PRKCQ: variants seen among roughly 807,000 people sequenced by gnomAD.
The protein encoded by PRKCQ is protein kinase C theta.
In PRKCQ, 41 loss-of-function variants were observed where a neutral mutation model predicts 91.2. The observed-to-expected ratio is 0.45, with a 90% CI of 0.35 to 0.58. The LOEUF (loss-of-function observed/expected upper bound fraction) is 0.58, where lower values mean the gene tolerates loss of function less well. Among genes scored for constraint, PRKCQ ranks in the 20% least tolerant of loss-of-function variants. The pLI is 0.00. For synonymous variants in PRKCQ, 307 were observed against 316.9 expected (o/e 0.97, Z 0.33); for missense variants, 673 against 896.5 (o/e 0.75, Z 3.18).
Position 6,576,641 on chromosome 10 carries a change from C to T in PRKCQ, c.-10+3570G>A, listed in dbSNP as rs749993982. Among the ~76,000 whole-genome samples, 7 of 152,194 alleles carry T rather than the reference C, an allele frequency of 4.6e-5. No homozygotes were observed. Among genetic ancestry groups the T allele is most frequent in the Non-Finnish European group, 1.0e-4 (7 of 68,030 alleles). On this transcript the variant is annotated intron_variant, in intron 1 of 17. Coordinates refer to ENST00000263125, the MANE Select transcript of PRKCQ (RefSeq NM_006257.5). The surrounding 1 kb of genome is among the most constrained non-coding windows in gnomAD (Gnocchi z 4.2). ...ATGGATGATGGCAATGGTTGCAAAA[C>T]AATGTGAATATACTTAATGTCACTG...
chr10:6,555,094 A>T (rs939208808), intron 1 of PRKCQ, among the ~76,000 whole-genome samples: 1 of 152,030 alleles, frequency 6.6e-6, no homozygotes, highest in East Asian at 1.9e-4. Context: ...TCATGGACAT[A>T]AAGATGGCAA....
intron 1 of PRKCQ, among the ~76,000 whole-genome samples, chr10:6,548,052 C>A (rs978665666): frequency 5.3e-5 from 8 of 151,936 alleles, no homozygotes; most frequent in Non-Finnish European, 8.8e-5. Flanking sequence ...AACAAACAAC[C>A]CCATCAAAAA....
At chr10:6,405,337 A>C in the PRKCQ span, among the ~76,000 whole-genome samples, 1 of 152,086 alleles carries the variant, frequency 6.6e-6, no homozygotes, top group Non-Finnish European at 1.5e-5. Context: ...TTTCCTTGGG[A>C]AGCAGTGTTC....
chr10:6,430,552 G>A lies in PRKCQ; in HGVS notation c.1965+258C>T, dbSNP rs1332989746. ...CACAAATTCATATTCAACCTAAGGCGTGGACACACAGCAATCCATTCTTCA... is the reference window on the plus strand; with the variant it reads ...CACAAATTCATATTCAACCTAAGGCATGGACACACAGCAATCCATTCTTCA... On this transcript the variant is annotated intron_variant, in intron 17 of 17. Transcript: ENST00000263125. This position sits in a 1 kb window ranked among gnomAD's most constrained non-coding sequence, Gnocchi z 4.7. Among the ~76,000 whole-genome samples, 1 of 152,126 alleles carries A rather than the reference G, an allele frequency of 6.6e-6. No homozygotes were observed. The highest frequency in any genetic ancestry group is 1.5e-5 in the Non-Finnish European group (1 of 68,036).
downstream of PRKCQ, among the ~76,000 whole-genome samples, chr10:6,425,808 A>G (rs1416524328): frequency 6.6e-6 from 1 of 152,198 alleles, no homozygotes; most frequent in Non-Finnish European, 1.5e-5. Flanking sequence ...AAAATAAAAA[A>G]TAAAACAAAC....
chr10:6,469,517 C>A (rs777947893), intron 12 of PRKCQ, among the ~76,000 whole-genome samples: 1 of 152,110 alleles, frequency 6.6e-6, no homozygotes, highest in Non-Finnish European at 1.5e-5. Flanking sequence ...AGGGGCTGGG[C>A]GGAACCCCTC....
intron 3 of PRKCQ, 25 bp from the exon 4 acceptor site, chr10:6,507,521 T>C: frequency 1.9e-6 from 3 of 1,602,198 alleles, no homozygotes; most frequent in Non-Finnish European, 2.6e-6. Flanking sequence ...GAGAGAAACA[T>C]CAGTCAGAAT....
At chr10:6,464,017 T>C (rs193126386) in intron 13 of PRKCQ, among the ~76,000 whole-genome samples, 3 of 152,372 alleles carry the variant, frequency 2.0e-5, no homozygotes, top group Admixed American at 2.0e-4. Context: ...TCCATTTCAC[T>C]GCTTCCTTTC....
intron 16 of PRKCQ, among the ~76,000 whole-genome samples, chr10:6,435,892 T>G (rs1833675750): frequency 6.6e-6 from 1 of 152,158 alleles, no homozygotes; most frequent in African/African-American, 2.4e-5. Flanking sequence ...GCGGGCAGAT[T>G]GCTTTGAGCT....
intron 12 of PRKCQ, 70 bp downstream of exon 12, chr10:6,478,922 G>A: frequency 6.5e-7 from 1 of 1,535,786 alleles, no homozygotes; most frequent in African/African-American, 1.4e-5. Flanking sequence ...CTCCTAATGA[G>A]GGCGCCATTG....
intron 8 of PRKCQ, 141 bp downstream of exon 8, chr10:6,491,542 A>G (rs1368094327): frequency 8.6e-7 from 1 of 1,163,326 alleles, no homozygotes; most frequent in Non-Finnish European, 1.2e-6. Context: ...TTGCCCCAGA[A>G]GACCATACTT....
intron 15 of PRKCQ, 92 bp downstream of exon 15, chr10:6,456,582 A>G (rs907716354): frequency 6.7e-7 from 1 of 1,496,686 alleles, no homozygotes; most frequent in Non-Finnish European, 9.0e-7. Context: ...GAATGAAGAT[A>G]TTTAAAACCT....
intron 4 of PRKCQ, among the ~76,000 whole-genome samples, chr10:6,505,939 C>T (rs1412814144): frequency 6.6e-6 from 1 of 152,202 alleles, no homozygotes; most frequent in Non-Finnish European, 1.5e-5. Flanking sequence ...AGCCACCATG[C>T]CCAGACAAGA....
At chr10:6,423,673 G>A (rs544288321), downstream of PRKCQ, among the ~76,000 whole-genome samples, 8 of 152,248 alleles carry the variant, frequency 5.3e-5, no homozygotes, top group South Asian at 4.2e-4. Context: ...GTGGCAGGAC[G>A]ACCCTGTGTC....
intron 7 of PRKCQ, among the ~76,000 whole-genome samples, chr10:6,494,010 A>T (rs973341761): frequency 3.9e-5 from 6 of 152,126 alleles, no homozygotes; most frequent in Non-Finnish European, 7.4e-5. Flanking sequence ...CCACAGTCTG[A>T]CTGCTTTTCA....
intron 1 of PRKCQ, among the ~76,000 whole-genome samples, chr10:6,526,491 G>A (rs549382346): frequency 6.6e-6 from 1 of 152,250 alleles, no homozygotes; most frequent in African/African-American, 2.4e-5. Flanking sequence ...TGCTGGGTGG[G>A]GCGGCAGGGA....
intron 7 of PRKCQ, among the ~76,000 whole-genome samples, 180 bp downstream of exon 7, chr10:6,496,855 C>T (rs897258680): frequency 2.0e-5 from 3 of 151,924 alleles, no homozygotes; most frequent in African/African-American, 4.8e-5. Context: ...CTAATTCATC[C>T]TCTGGTTTGG....
chr10:6,538,320 T>TA (rs1453613441), intron 1 of PRKCQ, among the ~76,000 whole-genome samples: 5 of 152,212 alleles, frequency 3.3e-5, no homozygotes, highest in Non-Finnish European at 5.9e-5. Context: ...CAATTTCAGG[T>TA]CTTTCCTTGC....
At chr10:6,499,062 C>A (rs566540519) in intron 4 of PRKCQ, among the ~76,000 whole-genome samples, 1 of 152,232 alleles carries the variant, frequency 6.6e-6, no homozygotes, top group African/African-American at 2.4e-5. Flanking sequence ...CTGGAGTAGA[C>A]TAGGGGGAGC....
Sources: allele counts gnomAD v4.1 joint callset (sites outside exome capture counted in the v4.1 genomes callset), GRCh38; gene constraint gnomAD v4.1.1; non-coding constraint Gnocchi (gnomAD v3.1); transcripts MANE v1.5; gene names NCBI Gene and HGNC (gene_info 2026-07-23, HGNC 2026-07-21).